SAXO1: variants seen among roughly 807,000 people sequenced by gnomAD.
SAXO1 encodes stabilizer of axonemal microtubules 1, also known as 4930500O09Rik.
SAXO1 carries 21 observed loss-of-function variants against 17.5 expected under a neutral mutation model. The observed-to-expected ratio is 1.20, with a 90% CI of 0.85 to 1.72. The LOEUF (loss-of-function observed/expected upper bound fraction) is 1.72. SAXO1 is among the 40% of genes most tolerant of loss of function. SAXO1 has a pLI of 0.00. For missense variants in SAXO1, 843 were observed against 596.0 expected, an observed-to-expected ratio of 1.41 and a Z score of -4.32; for synonymous variants, 274 against 216.5, an observed-to-expected ratio of 1.27 and a Z score of -2.33.
intron 1 of SAXO1, among the ~76,000 whole-genome samples, chr9:19,029,100 C>T (rs1461605626): frequency 6.6e-6 from 1 of 152,182 alleles, no homozygotes; most frequent in Non-Finnish European, 1.5e-5. Flanking sequence ...GGCTTTTCCT[C>T]AGCAGCTGTG....
At chr9:19,015,046 G>A (rs977596674) in intron 1 of SAXO1, among the ~76,000 whole-genome samples, 3 of 152,186 alleles carry the variant, frequency 2.0e-5, no homozygotes, top group African/African-American at 7.2e-5. Context: ...TTCTGCTGAT[G>A]ATGATGAAGG....
chr9:18,959,804 C>T (rs28742005), intron 1 of SAXO1, among the ~76,000 whole-genome samples: 10,664 of 151,254 alleles, frequency 0.071, 464 homozygotes, highest in African/African-American at 0.13. Context: ...CAGGTGTGTA[C>T]AGCGTACTCT....
At chr9:18,991,565 G>A (rs905736264) in intron 1 of SAXO1, among the ~76,000 whole-genome samples, 15 of 152,148 alleles carry the variant, frequency 9.9e-5, no homozygotes, top group African/African-American at 2.7e-4. Flanking sequence ...GGGGCTTGTC[G>A]CGGAGTGGGG....
chr9:19,024,491 C>G (rs989602504), intron 1 of SAXO1, among the ~76,000 whole-genome samples: 7 of 152,010 alleles, frequency 4.6e-5, no homozygotes, highest in African/African-American at 1.7e-4. Flanking sequence ...ATACCTAATG[C>G]TAAATGACGA....
intron 1 of SAXO1, among the ~76,000 whole-genome samples, chr9:18,959,050 GA>G (rs1166249457): frequency 6.6e-6 from 1 of 152,146 alleles, no homozygotes; most frequent in Non-Finnish European, 1.5e-5. Context: ...TGAGGGCTGG[GA>G]AAAAGACATC....
At chr9:19,028,371 G>A (rs925426005) in intron 1 of SAXO1, among the ~76,000 whole-genome samples, 2 of 151,984 alleles carry the variant, frequency 1.3e-5, no homozygotes, top group African/African-American at 2.4e-5. Context: ...GCGAGACTCC[G>A]TCTCAAAAAA....
At chr9:18,934,146 T>C (rs1831186517) in intron 3 of SAXO1, among the ~76,000 whole-genome samples, 1 of 152,240 alleles carries the variant, frequency 6.6e-6, no homozygotes, top group Non-Finnish European at 1.5e-5. Context: ...CTTTCAACAA[T>C]TTGACTATGT....
intron 1 of SAXO1, among the ~76,000 whole-genome samples, chr9:18,993,008 C>G (rs187657072): frequency 6.6e-6 from 1 of 152,112 alleles, no homozygotes. Context: ...CCATGTTGGT[C>G]AGGCTGGTCT....
chr9:19,037,951 T>G (rs919460596), upstream of SAXO1, among the ~76,000 whole-genome samples: 9 of 152,210 alleles, frequency 5.9e-5, no homozygotes, highest in Non-Finnish European at 1.3e-4. Flanking sequence ...TCTCAAGCTT[T>G]TCCACCCAAT....
At chr9:19,027,383 C>T in intron 1 of SAXO1, 1 of 768,426 alleles carries the variant, frequency 1.3e-6, no homozygotes, top group Non-Finnish European at 2.4e-6. Context: ...GATGAGAGAC[C>T]CACGGAGCAA....
chr9:18,979,071 T>G (rs1833265151), intron 1 of SAXO1, among the ~76,000 whole-genome samples: 1 of 152,204 alleles, frequency 6.6e-6, no homozygotes, highest in Non-Finnish European at 1.5e-5. Context: ...AGATTATATA[T>G]GTTGAATCTA....
Position 18,928,150 on chromosome 9 carries a change from A to C in SAXO1, c.1327T>G (p.Tyr443Asp). 1 of 1,614,190 alleles carries C rather than the reference A, an allele frequency of 6.2e-7. No homozygotes were observed. Among genetic ancestry groups the C allele is most frequent in the Middle Eastern group, 1.6e-4 (1 of 6,062 alleles). ...GAGCCTGCCTGGGAAACTGGTTTGT[A>C]TATCCTGTGACCCAAAGCATCCACT... Reference protein sequence around the residue: ...EEVDALGHRIYKPVSQAGSQQ... With the variant: ...EEVDALGHRIDKPVSQAGSQQ... Residue 443 changes from tyrosine to aspartate, a missense_variant, in exon 4 of 4, where the codon TAC (tyrosine) becomes GAC (aspartate). Coordinates refer to ENST00000380534, the MANE Select transcript of SAXO1 (RefSeq NM_153707.4).
intron 1 of SAXO1, among the ~76,000 whole-genome samples, chr9:19,006,162 G>T (rs886438507): frequency 6.6e-6 from 1 of 152,198 alleles, no homozygotes; most frequent in Non-Finnish European, 1.5e-5. Flanking sequence ...ATCCTAGTGC[G>T]TTGCTGGTGG....
At chr9:18,966,526 C>G (rs1456561609) in intron 1 of SAXO1, among the ~76,000 whole-genome samples, 1 of 152,120 alleles carries the variant, frequency 6.6e-6, no homozygotes, top group East Asian at 1.9e-4. Context: ...TCCACTTGAT[C>G]AATTTGGCTA....
intron 2 of SAXO1, among the ~76,000 whole-genome samples, chr9:18,944,025 C>A (rs529991805): frequency 6.6e-6 from 1 of 152,232 alleles, no homozygotes. Flanking sequence ...CGGCTTCTAC[C>A]GGAAAAGAGC....
chr9:18,991,369 T>C (rs983651592), intron 1 of SAXO1, among the ~76,000 whole-genome samples: 1 of 152,134 alleles, frequency 6.6e-6, no homozygotes. Context: ...ATATACACCA[T>C]GGAATACTAT....
At chr9:19,044,659 G>A (rs1288390148) in intron 1 of SAXO1, among the ~76,000 whole-genome samples, 3 of 151,912 alleles carry the variant, frequency 2.0e-5, no homozygotes, top group African/African-American at 7.3e-5. Context: ...TCAGAAGATC[G>A]AGACCATCCT....
intron 1 of SAXO1, among the ~76,000 whole-genome samples, chr9:18,983,745 C>CAGT (rs1481286096): frequency 2.0e-5 from 3 of 152,184 alleles, no homozygotes; most frequent in African/African-American, 7.2e-5. Context: ...GGGTTGAAAT[C>CAGT]AACTGCTTCC....
At chr9:18,943,078 C>T (rs79785770) in intron 2 of SAXO1, among the ~76,000 whole-genome samples, 2,079 of 152,306 alleles carry the variant, frequency 0.014, 44 homozygotes, top group African/African-American at 0.047. Flanking sequence ...TAACACGCTC[C>T]ACTGTAACCT....
Sources: allele counts gnomAD v4.1 joint callset (sites outside exome capture counted in the v4.1 genomes callset), GRCh38; gene constraint gnomAD v4.1.1; transcripts MANE v1.5; gene names NCBI Gene and HGNC (gene_info 2026-07-23, HGNC 2026-07-21).